TOGARAM1: variants seen among roughly 807,000 people sequenced by gnomAD.
TOGARAM1 encodes TOG array regulator of axonemal microtubules 1, also known as TOG array regulator of axonemal microtubules protein 1.
A neutral mutation model predicts 166.6 loss-of-function variants in TOGARAM1; 100 were observed. The observed-to-expected ratio is 0.60, with a 90% CI of 0.51 to 0.71. The LOEUF (loss-of-function observed/expected upper bound fraction) is 0.71, where lower values mean the gene tolerates loss of function less well. TOGARAM1 is among the 30% of genes least tolerant of loss of function. The pLI is 0.00. For synonymous variants in TOGARAM1, 758 were observed against 763.8 expected (o/e 0.99, Z 0.13); for missense variants, 2,029 against 2,102.7 (o/e 0.96, Z 0.69).
rs985728078 is a variant in TOGARAM1, at chr14:45,025,632, T to C, written c.3239-151T>C. 8 of 541,454 alleles carry C rather than the reference T, an allele frequency of 1.5e-5. No individual in the cohort carries two copies. In the East Asian group the frequency reaches 2.5e-4, roughly 17 times the overall value. The allele number at this position is 541,454 out of a possible 1,614,324, so 33.5% of individuals were successfully genotyped here. A position where few individuals can be genotyped will look rare whatever the true frequency, so the allele number is the denominator to read the frequency against. On this transcript the variant is annotated intron_variant, in intron 7 of 19. Coordinates refer to ENST00000361462, the MANE Select transcript of TOGARAM1 (RefSeq NM_001308120.2). ...ATTCTAGTATTGCAGTTACAAACAT[T>C]TATAATGACTTAATGAACGTGTGAA...
In TOGARAM1 at chr14:45,074,283, AAAGGTGTT is replaced by A. The variant is rs1190866382; in HGVS notation, c.*724_*731del. On this transcript the variant is annotated 3_prime_UTR_variant, in exon 20 of 20. Transcript: ENST00000361462. ...TATTGCTTTATGTTTTGACCTTTAT[AAAGGTGTT>A]ATTCTGCTGCCCAGTTTTGTAATTC... 1.5e-4 allele frequency: 23 copies of A among 152,728 alleles called. No individual in the cohort carries two copies. The highest frequency in any genetic ancestry group is 5.5e-4 in the African/African-American group (23 of 41,570). 9.5% of individuals were successfully genotyped at this position (152,728 alleles called of 1,614,324 possible).
At chr14:44,992,770 A>C (rs982132253) in intron 1 of TOGARAM1, among the ~76,000 whole-genome samples, 1 of 151,432 alleles carries the variant, frequency 6.6e-6, no homozygotes, top group Non-Finnish European at 1.5e-5. Context: ...GGCGCCTGCC[A>C]CCACGCCCGA....
In TOGARAM1 at chr14:44,963,787, A is replaced by G. The variant is rs771100518; in HGVS notation, c.1366A>G (p.Met456Val). The change falls in exon 1 of 20, where the codon ATG becomes GTG. Residue 456 changes from methionine (M) to valine (V), a missense_variant. Physicochemically the swap from Met to Val is conservative, Grantham distance 21. This residue lies in a region of TOGARAM1 where 1,453 missense variants were observed against 1,432.2 expected (regional missense o/e 1.01). Coordinates refer to ENST00000361462, the MANE Select transcript of TOGARAM1 (RefSeq NM_001308120.2). ...CAAGTTGGTGATCAAACAAGAATAC[A>G]TGAAAATCTTCCTCAAGCTAATGAA... ...DNKLVIKQEY[M>V]KIFLKLMKEV... 6.2e-7 allele frequency: 1 copy of G among 1,614,108 alleles called. No individual in the cohort carries two copies. The highest frequency in any genetic ancestry group is 8.5e-7 in the Non-Finnish European group (1 of 1,179,980).
intron 1 of TOGARAM1, among the ~76,000 whole-genome samples, chr14:44,991,815 A>T (rs1174208200): frequency 1.3e-5 from 2 of 152,060 alleles, no homozygotes; most frequent in African/African-American, 4.8e-5. Flanking sequence ...GATTCTACTG[A>T]GAAGGGTCCC....
intron 11 of TOGARAM1, among the ~76,000 whole-genome samples, chr14:45,038,779 G>A (rs987588728): frequency 1.3e-5 from 2 of 152,186 alleles, no homozygotes; most frequent in African/African-American, 4.8e-5. Context: ...CCATGTTTGT[G>A]TTACAGATGT....
chr14:44,964,410 T>G lies in TOGARAM1; in HGVS notation c.1989T>G (p.Asn663Lys). 1 of 1,611,186 alleles carries G rather than the reference T, an allele frequency of 6.2e-7. No homozygotes were observed. The highest frequency in any genetic ancestry group is 1.1e-5 in the South Asian group (1 of 90,712). The change falls in exon 1 of 20, where the codon AAT becomes AAG. Residue 663 changes from asparagine to lysine, a missense_variant. Asn to Lys is a moderately conservative substitution (Grantham distance 94). Coordinates refer to ENST00000361462, the MANE Select transcript of TOGARAM1 (RefSeq NM_001308120.2). The stretch of plus-strand genomic sequence containing the variant: ...GAAAAAATAAATTACCATGGGAAAA[T>G]GAGCAACCTGGAATCATGGGAGAAA... ...GKGKNKLPWE[N>K]EQPGIMGENQ...
chr14:45,039,130 G>A (rs1182036005), intron 11 of TOGARAM1, among the ~76,000 whole-genome samples: 2 of 152,150 alleles, frequency 1.3e-5, no homozygotes, highest in Admixed American at 6.5e-5. Context: ...GAGACCCAGA[G>A]TGGGTAGCTT....
chr14:45,021,973 G>A (rs1342103745), intron 7 of TOGARAM1, among the ~76,000 whole-genome samples: 1 of 151,946 alleles, frequency 6.6e-6, no homozygotes, highest in African/African-American at 2.4e-5. Flanking sequence ...GGAGAGTTTC[G>A]GATTCTTAGT....
At chr14:44,978,394 T>G (rs147289430) in intron 1 of TOGARAM1, 12 of 152,342 alleles carry the variant, frequency 7.9e-5, no homozygotes, top group African/African-American at 2.6e-4. Flanking sequence ...TATATAAAAA[T>G]GAGATTTTTG....
At chr14:44,987,460 C>T (rs1253746279) in intron 1 of TOGARAM1, among the ~76,000 whole-genome samples, 1 of 152,166 alleles carries the variant, frequency 6.6e-6, no homozygotes, top group Non-Finnish European at 1.5e-5. Flanking sequence ...TGAACAGACA[C>T]TTCTCAAAAG....
chr14:45,024,925 A>C (rs1015982287), intron 7 of TOGARAM1, among the ~76,000 whole-genome samples: 2 of 152,228 alleles, frequency 1.3e-5, no homozygotes, highest in Non-Finnish European at 2.9e-5. Flanking sequence ...CTAAAGCAAT[A>C]CATATTTCTC....
At chr14:45,030,293 T>C (rs1023988389) in intron 10 of TOGARAM1, among the ~76,000 whole-genome samples, 2 of 152,226 alleles carry the variant, frequency 1.3e-5, no homozygotes, top group Non-Finnish European at 2.9e-5. Context: ...TGTTTATCTA[T>C]ATCTCTTTCT....
Position 45,005,347 on chromosome 14 carries a change from G to A in TOGARAM1, c.2645-661G>A, listed in dbSNP as rs77451899. ...TCTTAAAATAAAAAGTCGACTGAGC[G>A]TAGTGGGTCATGCCTGTAGCACTTT... is the stretch of plus-strand genomic sequence containing the variant. On this transcript the variant is annotated intron_variant, in intron 4 of 19. Transcript: ENST00000361462. 2.1e-3 allele frequency among the ~76,000 whole-genome samples: 324 copies of A among 152,254 alleles called. 5 individuals carry two copies. The East Asian group carries it at 0.047, about 22-fold the overall frequency.
At chr14:45,027,146 G>T (rs951869700) in intron 8 of TOGARAM1, among the ~76,000 whole-genome samples, 153 bp from the exon 9 acceptor site, 1 of 152,084 alleles carries the variant, frequency 6.6e-6, no homozygotes, top group African/African-American at 2.4e-5. Context: ...CCCTATTAGG[G>T]TATTTGTTTT....
chr14:45,010,888 A>G (rs75484371), intron 6 of TOGARAM1, among the ~76,000 whole-genome samples: 1,897 of 152,296 alleles, frequency 0.012, 21 homozygotes, highest in Non-Finnish European at 0.018. Flanking sequence ...CACTTAATAT[A>G]AATGTAGATT....
intron 1 of TOGARAM1, among the ~76,000 whole-genome samples, chr14:44,978,708 G>T (rs1301010145): frequency 6.6e-6 from 1 of 151,718 alleles, no homozygotes; most frequent in Non-Finnish European, 1.5e-5. Flanking sequence ...TCAGGTGGAG[G>T]ATCACTTGAG....
Position 44,963,845 on chromosome 14 carries a change from T to C in TOGARAM1, c.1424T>C (p.Leu475Pro). ...GGACCTCAGCAGGTGCTTTGTTTAC[T>C]CCTGGAACATCTCAAACATAAGCAT... ...EVGPQQVLCLLLEHLKHKHSR... is the reference protein window; with the variant it reads ...EVGPQQVLCLPLEHLKHKHSR... The change falls in exon 1 of 20, where the codon CTC becomes CCC. Residue 475 changes from leucine (L) to proline (P), a missense_variant. By Grantham distance (98) the Leu-to-Pro change is moderately conservative. This residue lies in a region of TOGARAM1 where 1,453 missense variants were observed against 1,432.2 expected (regional missense o/e 1.01). Coordinates refer to ENST00000361462, the MANE Select transcript of TOGARAM1 (RefSeq NM_001308120.2). 1 of 1,614,194 alleles carries C rather than the reference T, an allele frequency of 6.2e-7. No homozygotes were observed. The highest frequency in any genetic ancestry group is 8.5e-7 in the Non-Finnish European group (1 of 1,180,024).
At position 44,963,524 on chromosome 14, in the gene TOGARAM1, G is replaced by C; in HGVS notation, c.1103G>C (p.Arg368Pro). ...TTGGATCAGGAAGACTATAAGAACC[G>C]GACCCAGGCCGTCGAAGAACTAAAG... ...RLLDQEDYKN[R>P]TQAVEELKQV... Residue 368 changes from arginine to proline, a missense_variant, in exon 1 of 20, where the codon CGG (arginine) becomes CCG (proline). By Grantham distance (103) the Arg-to-Pro change is moderately radical. Coordinates refer to ENST00000361462, the MANE Select transcript of TOGARAM1 (RefSeq NM_001308120.2). The C allele has an allele frequency of 1.2e-6, 2 of 1,614,140 alleles. No homozygotes were observed. The highest frequency in any genetic ancestry group is 2.7e-5 in the African/African-American group (2 of 75,028).
At chr14:44,969,926 G>A (rs1040552037) in intron 1 of TOGARAM1, among the ~76,000 whole-genome samples, 1 of 152,102 alleles carries the variant, frequency 6.6e-6, no homozygotes, top group Non-Finnish European at 1.5e-5. Flanking sequence ...ATAACACATT[G>A]TCTTGATTAC....
Sources: gnomAD v4.1 joint callset for allele counts (sites outside exome capture counted in the v4.1 genomes callset) on GRCh38, gnomAD v4.1.1 for gene constraint, gnomAD v4.1.1 regional missense constraint, MANE v1.5 for transcripts, NCBI Gene and HGNC (gene_info 2026-07-23, HGNC 2026-07-21) for gene names.